Variants in BRIP1 observed in about 807,000 individuals in gnomAD.
The protein encoded by BRIP1 is Fanconi anemia group J protein.
A neutral mutation model predicts 119.7 loss-of-function variants in BRIP1; 88 were observed. That is an observed-to-expected ratio of 0.74 (90% CI 0.62 to 0.88). The LOEUF (loss-of-function observed/expected upper bound fraction) is 0.88. BRIP1 is among the 40% of genes least tolerant of loss of function. BRIP1 has a pLI of 0.00. For missense variants in BRIP1, 1,259 were observed against 1,455.4 expected, an observed-to-expected ratio of 0.87 and a Z score of 2.20; for synonymous variants, 443 against 496.5, an observed-to-expected ratio of 0.89 and a Z score of 1.43.
rs1242189272 is a variant in BRIP1 at position 61,853,984 on chromosome 17, C to T, written c.379+3074G>A. Among the ~76,000 whole-genome samples, 1 of 152,066 alleles carries T rather than the reference C, an allele frequency of 6.6e-6. No individual in the cohort carries two copies. The highest frequency in any genetic ancestry group is 1.5e-5 in the Non-Finnish European group (1 of 68,000). Reference sequence around the variant, plus strand: ...TACTGCCACATGCCTATTAGAGTAGCTAAAATTAAGGCCAGGTATGGTGGC... The same window carrying T: ...TACTGCCACATGCCTATTAGAGTAGTTAAAATTAAGGCCAGGTATGGTGGC... On this transcript the variant is annotated intron_variant, in intron 4 of 19. Transcript: ENST00000259008. The surrounding 1 kb of genome is among the most constrained non-coding windows in gnomAD (Gnocchi z 4.3).
In BRIP1 at chr17:61,683,008, T is replaced by G. The variant is rs886053213; in HGVS notation, c.*288A>C. ...CTAGCTGGGCATGGTGGTGCACACC[T>G]GTAGTCCCAGCTACTCAGAAGGCTG... On this transcript the variant is annotated 3_prime_UTR_variant, in exon 20 of 20. Coordinates refer to ENST00000259008, the MANE Select transcript of BRIP1 (RefSeq NM_032043.3). The surrounding 1 kb of genome is among the most constrained non-coding windows in gnomAD (Gnocchi z 4.7). 5.2e-6 allele frequency: 2 copies of G among 383,502 alleles called. No individual in the cohort carries two copies. Among genetic ancestry groups the G allele is most frequent in the African/African-American group, 4.2e-5 (2 of 48,022 alleles). 23.8% of individuals were successfully genotyped at this position (383,502 alleles called of 1,614,324 possible).
rs928708784 is a variant in BRIP1, at chr17:61,767,065, T to C, written c.2097+9336A>G. Reference sequence around the variant, plus strand: ...ACCATAAACTATTGGTCTGAAAGAATGTGGGGAAAAAAACTAGATGAACAA... The same window carrying C: ...ACCATAAACTATTGGTCTGAAAGAACGTGGGGAAAAAAACTAGATGAACAA... On this transcript the variant is annotated intron_variant, in intron 14 of 19. Coordinates refer to ENST00000259008, the MANE Select transcript of BRIP1 (RefSeq NM_032043.3). The surrounding 1 kb of genome is among the most constrained non-coding windows in gnomAD (Gnocchi z 5.7). 2.0e-5 allele frequency among the ~76,000 whole-genome samples: 3 copies of C among 152,084 alleles called. No homozygotes were observed. Among genetic ancestry groups the C allele is most frequent in the Non-Finnish European group, 4.4e-5 (3 of 68,006 alleles).
At position 61,851,176 on chromosome 17, in the gene BRIP1, C is replaced by T. The variant is rs143725703; in HGVS notation, c.380-1920G>A. On this transcript the variant is annotated intron_variant, in intron 4 of 19. Transcript: ENST00000259008. The surrounding 1 kb of genome is among the most constrained non-coding windows in gnomAD (Gnocchi z 4.6). The stretch of plus-strand genomic sequence containing the variant: ...CCGGGAGGCAGAGGTTGCAGTGAGC[C>T]AAGATCGCACCACTGCACTCCAGCC... Among the ~76,000 whole-genome samples the T allele has an allele frequency of 0.018, 2,674 of 151,828 alleles. 36 individuals carry two copies. Among genetic ancestry groups the T allele is most frequent in the Non-Finnish European group, 0.026 (1,779 of 67,898 alleles).
Position 61,725,617 on chromosome 17 carries a change from A to AT in BRIP1, c.2380-9555_2380-9554insA, listed in dbSNP as rs1307169445. Among the ~76,000 whole-genome samples the AT allele has an allele frequency of 6.6e-6, 1 of 152,112 alleles. No individual in the cohort carries two copies. Among genetic ancestry groups the AT allele is most frequent in the African/African-American group, 2.4e-5 (1 of 41,438 alleles). ...TGCTTATTCTGTAAAGGGCTAAGTT[A>AT]AAGTTTTCATTTTTATTTTTTAGAG... On this transcript the variant is annotated intron_variant, in intron 16 of 19. Transcript: ENST00000259008. This position sits in a 1 kb window ranked among gnomAD's most constrained non-coding sequence, Gnocchi z 5.3.
At chr17:61,771,300 T>C (rs941296949) in intron 14 of BRIP1, among the ~76,000 whole-genome samples, 5 of 152,340 alleles carry the variant, frequency 3.3e-5, no homozygotes, top group South Asian at 2.1e-4. Flanking sequence ...TAGGAGTTTC[T>C]TTTTGGGGTC....
Position 61,683,378 on chromosome 17 carries a change from A to G in BRIP1, c.3668T>C (p.Leu1223Pro). ...VKTTWINELELGKTHEIEIKN... is the reference protein window; with the variant it reads ...VKTTWINELEPGKTHEIEIKN... ...TATTTCTATTTCATGAGTTTTTCCCAGTTCCAGTTCATTTATCCAAGTTGT... is the reference window on the plus strand; with the variant it reads ...TATTTCTATTTCATGAGTTTTTCCCGGTTCCAGTTCATTTATCCAAGTTGT... The change falls in exon 20 of 20, where the codon CTG (leucine) becomes CCG (proline). Residue 1223 changes from leucine to proline, a missense_variant. Leu to Pro is a moderately conservative substitution (Grantham distance 98). This residue lies in a region of BRIP1 where 753 missense variants were observed against 891.8 expected (regional missense o/e 0.84). Coordinates refer to ENST00000259008, the MANE Select transcript of BRIP1 (RefSeq NM_032043.3). The surrounding 1 kb of genome is among the most constrained non-coding windows in gnomAD (Gnocchi z 4.7). 6.2e-7 allele frequency: 1 copy of G among 1,612,746 alleles called. No individual in the cohort carries two copies. The highest frequency in any genetic ancestry group is 1.1e-5 in the South Asian group (1 of 90,722).
intron 10 of BRIP1, among the ~76,000 whole-genome samples, chr17:61,787,934 G>C (rs950746058): frequency 3.3e-5 from 5 of 152,166 alleles, no homozygotes; most frequent in Non-Finnish European, 5.9e-5. Context: ...GTGAGCCACT[G>C]CGCCTGGCCC....
chr17:61,731,875 C>A (rs570226903), intron 16 of BRIP1, among the ~76,000 whole-genome samples: 1 of 149,046 alleles, frequency 6.7e-6, no homozygotes, highest in South Asian at 2.1e-4. Context: ...ACTCTGTCCC[C>A]TGAGTCTATT....
intron 10 of BRIP1, among the ~76,000 whole-genome samples, chr17:61,792,872 C>T (rs528451761): frequency 1.3e-5 from 2 of 152,220 alleles, no homozygotes; most frequent in Non-Finnish European, 2.9e-5. Flanking sequence ...AACAAATATA[C>T]TACACTATTG....
Position 61,856,927 on chromosome 17 carries a change from C to T in BRIP1, c.379+131G>A. 1.1e-6 allele frequency: 1 copy of T among 921,558 alleles called. No homozygotes were observed. Among genetic ancestry groups the T allele is most frequent in the Non-Finnish European group, 1.7e-6 (1 of 581,096 alleles). 57.1% of individuals were successfully genotyped at this position (921,558 alleles called of 1,614,324 possible). A position where few individuals can be genotyped will look rare whatever the true frequency, so the allele number is the denominator to read the frequency against. ...TGACCACTCTGTGCTATTTTAAAAT[C>T]ATTCCAGAGAAACTAGATAGAGATA... is the stretch of plus-strand genomic sequence containing the variant. On this transcript the variant is annotated intron_variant, in intron 4 of 19. Transcript: ENST00000259008. This position sits in a 1 kb window ranked among gnomAD's most constrained non-coding sequence, Gnocchi z 5.1.
Position 61,680,974 on chromosome 17 carries a change from A to C in BRIP1, c.*2322T>G, listed in dbSNP as rs1474675585. Among the ~76,000 whole-genome samples, 7 of 152,308 alleles carry C rather than the reference A, an allele frequency of 4.6e-5. No individual in the cohort carries two copies. Among genetic ancestry groups the C allele is most frequent in the Admixed American group, 2.6e-4 (4 of 15,302 alleles). On this transcript the variant is annotated 3_prime_UTR_variant, in exon 20 of 20. Transcript: ENST00000259008. ...GACTCACAGTTCTGCATGACTGAGG[A>C]GGCCTCAAGAAACTTACAATCATGG...
Position 61,838,113 on chromosome 17 carries a change from A to G in BRIP1, c.627+8988T>C, listed in dbSNP as rs1334402841. 2.6e-5 allele frequency among the ~76,000 whole-genome samples: 4 copies of G among 152,224 alleles called. No individual in the cohort carries two copies. In the East Asian group the frequency reaches 5.8e-4, roughly 22 times the overall value. On this transcript the variant is annotated intron_variant, in intron 6 of 19. Coordinates refer to ENST00000259008, the MANE Select transcript of BRIP1 (RefSeq NM_032043.3). ...TGCAACTGCAGATTTGAAAAACGTGAAGACTAAGACACACCTTTGCAGGGA... is the reference window on the plus strand; with the variant it reads ...TGCAACTGCAGATTTGAAAAACGTGGAGACTAAGACACACCTTTGCAGGGA...
intron 3 of BRIP1, among the ~76,000 whole-genome samples, chr17:61,858,208 A>G (rs2078924804): frequency 6.6e-6 from 1 of 152,184 alleles, no homozygotes; most frequent in Non-Finnish European, 1.5e-5. Flanking sequence ...TTTAAAAATA[A>G]TCAGTATTGA....
At position 61,828,340 on chromosome 17, in the gene BRIP1, G is replaced by C. The variant is rs1424340142; in HGVS notation, c.627+18761C>G. ...TATTGCATGATTCCACTTACATGAGGTATCTAGAGTAGTCAAATTCATAGA... is the reference window on the plus strand; with the variant it reads ...TATTGCATGATTCCACTTACATGAGCTATCTAGAGTAGTCAAATTCATAGA... On this transcript the variant is annotated intron_variant, in intron 6 of 19. Coordinates refer to ENST00000259008, the MANE Select transcript of BRIP1 (RefSeq NM_032043.3). This position sits in a 1 kb window ranked among gnomAD's most constrained non-coding sequence, Gnocchi z 4.1. Among the ~76,000 whole-genome samples the C allele has an allele frequency of 6.6e-6, 1 of 152,104 alleles. No individual in the cohort carries two copies. Among genetic ancestry groups the C allele is most frequent in the Non-Finnish European group, 1.5e-5 (1 of 68,034 alleles).
chr17:61,702,972 C>CTTTTT (rs61428664), intron 17 of BRIP1, among the ~76,000 whole-genome samples: 28 of 125,176 alleles, frequency 2.2e-4, no homozygotes, highest in Non-Finnish European at 3.6e-4. Context: ...AGCATCTGTT[C>CTTTTT]TTTTTTTTTT....
intron 17 of BRIP1, among the ~76,000 whole-genome samples, chr17:61,702,513 T>C (rs2061630054): frequency 6.6e-6 from 1 of 152,218 alleles, no homozygotes; most frequent in African/African-American, 2.4e-5. Context: ...TCTGTCCACA[T>C]ATACTCAATG....
rs961146956 is a variant in BRIP1 at position 61,689,333 on chromosome 17, C to T, written c.2576-3168G>A. ...TGCTAAGAATCAGGAAATTTGAAGGCAAGTCGTTTGAAATCATCCAGTCAG... is the reference window on the plus strand; with the variant it reads ...TGCTAAGAATCAGGAAATTTGAAGGTAAGTCGTTTGAAATCATCCAGTCAG... On this transcript the variant is annotated intron_variant, in intron 18 of 19. Transcript: ENST00000259008. This position sits in a 1 kb window ranked among gnomAD's most constrained non-coding sequence, Gnocchi z 4.5. Among the ~76,000 whole-genome samples the T allele has an allele frequency of 2.6e-5, 4 of 151,520 alleles. No individual in the cohort carries two copies. The highest frequency in any genetic ancestry group is 2.6e-4 in the Admixed American group (4 of 15,190).
In BRIP1 at chr17:61,730,326, G is replaced by A. The variant is rs887396880; in HGVS notation, c.2379+12687C>T. 2.6e-5 allele frequency among the ~76,000 whole-genome samples: 4 copies of A among 152,182 alleles called. No individual in the cohort carries two copies. The highest frequency in any genetic ancestry group is 5.9e-5 in the Non-Finnish European group (4 of 68,020). On this transcript the variant is annotated intron_variant, in intron 16 of 19. Transcript: ENST00000259008. This position sits in a 1 kb window ranked among gnomAD's most constrained non-coding sequence, Gnocchi z 4.3. Reference sequence around the variant, plus strand: ...TGTCTACAATCTGTAGGCATTGAGAGAATTTGACTGAATAAACTGATTAAA... The same window carrying A: ...TGTCTACAATCTGTAGGCATTGAGAAAATTTGACTGAATAAACTGATTAAA...
At chr17:61,854,431 G>C (rs963129638) in intron 4 of BRIP1, among the ~76,000 whole-genome samples, 2 of 152,094 alleles carry the variant, frequency 1.3e-5, no homozygotes, top group African/African-American at 4.8e-5. Flanking sequence ...AGTTGGCCAG[G>C]CACGGTGGCT....
Sources: gnomAD v4.1 joint callset for allele counts (sites outside exome capture counted in the v4.1 genomes callset) on GRCh38, gnomAD v4.1.1 for gene constraint, gnomAD v4.1.1 regional missense constraint, Gnocchi (gnomAD v3.1) non-coding constraint, MANE v1.5 for transcripts, NCBI Gene and HGNC (gene_info 2026-07-23, HGNC 2026-07-21) for gene names.